Variants in GRM6 observed in about 807,000 individuals in gnomAD.
GRM6 encodes metabotropic glutamate receptor 6.
GRM6 carries 73 observed loss-of-function variants against 78.4 expected under a neutral mutation model. That is an observed-to-expected ratio of 0.93 (90% CI 0.77 to 1.13). GRM6 has a LOEUF of 1.13. Among genes scored for constraint, GRM6 ranks in the 50% most tolerant of loss-of-function variants. The pLI, the probability that GRM6 is intolerant of heterozygous loss-of-function variation, is 0.00. For synonymous variants in GRM6, 580 were observed against 555.0 expected (o/e 1.05, Z -0.63); for missense variants, 1,251 against 1,256.4 (o/e 1.00, Z 0.07).
At chr5:178,985,701 T>A (rs1251924741) in intron 9 of GRM6, 31 of 349,388 alleles carry the variant, frequency 8.9e-5, no homozygotes, top group Middle Eastern at 5.1e-4. Flanking sequence ...AGACTCTGTC[T>A]AAAAAAAAAA....
chr5:178,995,061 CTCGGG>C, intron 1 of GRM6, 101 bp from the exon 2 acceptor site: 3 of 603,044 alleles, frequency 5.0e-6, no homozygotes, highest in South Asian at 7.6e-5. Flanking sequence ...GGAGAAGGCG[CTCGGG>C]GCGCGCCTTC....
At chr5:178,989,213 C>T (rs1158474852) in intron 6 of GRM6, 52 bp downstream of exon 6, 1 of 1,186,714 alleles carries the variant, frequency 8.4e-7, no homozygotes, top group African/African-American at 1.6e-5. Flanking sequence ...CCCTCCCCAC[C>T]CTCACCACCC....
chr5:178,985,802 C>T (rs1320868477), intron 9 of GRM6: 1 of 518,958 alleles, frequency 1.9e-6, no homozygotes, highest in Admixed American at 2.6e-5. Flanking sequence ...TACTCTGACA[C>T]CCAAGCTGGA....
Position 178,986,588 on chromosome 5 carries a change from C to A in GRM6, c.1666G>T (p.Glu556Ter). The A allele has an allele frequency of 6.2e-7, 1 of 1,606,030 alleles. No homozygotes were observed. Among genetic ancestry groups the A allele is most frequent in the Non-Finnish European group, 8.5e-7 (1 of 1,179,862 alleles). The change falls in exon 9 of 11, where the codon GAG becomes TAG. Residue 556 changes from glutamate to a stop codon, truncating the protein, a stop_gained. Transcript: ENST00000517717. LOFTEE classifies it high-confidence loss of function. ...YRFQVDEFTC[E>*]ACPGDMRPTP... ...GGCCTCATGTCCCCAGGACAGGCCTCGCATGTGAACTCGTCCACCTGGAAG... is the reference window on the plus strand; with the variant it reads ...GGCCTCATGTCCCCAGGACAGGCCTAGCATGTGAACTCGTCCACCTGGAAG...
At position 178,994,627 on chromosome 5, in the gene GRM6, C is replaced by T; in HGVS notation, c.318G>A (p.Leu106=). The T allele has an allele frequency of 3.4e-6, 5 of 1,452,894 alleles. No homozygotes were observed. The South Asian group carries it at 3.9e-5, about 11-fold the overall frequency. The allele number at this position is 1,452,894 out of a possible 1,614,324, so 90.0% of individuals were successfully genotyped here. A position where few individuals can be genotyped will look rare whatever the true frequency, so the allele number is the denominator to read the frequency against. ...CCTGCACGAAGCTCAGCGCCTGCTC[C>T]AGCGCGTAGGTGTCCCGCGAGCAGG... is the stretch of plus-strand genomic sequence containing the variant. ...LDTCSRDTYA[L]EQALSFVQAL... is the part of the protein sequence containing the mutation. The change falls in exon 2 of 11, where the codon CTG becomes CTA. Residue 106 remains leucine (L), a synonymous_variant. Coordinates refer to ENST00000517717, the MANE Select transcript of GRM6 (RefSeq NM_000843.4).
Position 178,981,363 on chromosome 5 carries a change from C to T in GRM6, c.*294G>A, listed in dbSNP as rs1581890394. On this transcript the variant is annotated 3_prime_UTR_variant, in exon 11 of 11. Coordinates refer to ENST00000517717, the MANE Select transcript of GRM6 (RefSeq NM_000843.4). The surrounding 1 kb of genome is among the most constrained non-coding windows in gnomAD (Gnocchi z 5.1). ...GGGCTTCATCATCCTCTTTGGACTT[C>T]GGATGAGAGAATAAGTTTAGTCCCT... The T allele has an allele frequency of 1.0e-5, 4 of 393,884 alleles. No individual in the cohort carries two copies. The highest frequency in any genetic ancestry group is 3.9e-5 in the Admixed American group (1 of 25,418). The allele number at this position is 393,884 out of a possible 1,614,324, so 24.4% of individuals were successfully genotyped here. A position where few individuals can be genotyped will look rare whatever the true frequency, so the allele number is the denominator to read the frequency against.
rs1300124598 is a variant in GRM6 at position 178,994,504 on chromosome 5, G to A, written c.441C>T (p.Ala147=). 4.2e-6 allele frequency: 6 copies of A among 1,432,210 alleles called. No individual in the cohort carries two copies. Among genetic ancestry groups the A allele is most frequent in the African/African-American group, 1.5e-5 (1 of 67,104 alleles). The allele number at this position is 1,432,210 out of a possible 1,614,324, so 88.7% of individuals were successfully genotyped here. ...CGGAGCTGGCCGAGGCGCCCACGAC[G>A]GCCACGACGCGCTCGGGGGGCGCGG... The part of the protein sequence containing the change: ...LRPAPPERVV[A]VVGASASSVS... Residue 147 remains alanine, a synonymous_variant, in exon 2 of 11, where the codon GCC becomes GCT. Transcript: ENST00000517717.
intron 9 of GRM6, chr5:178,985,674 G>C (rs750827252): frequency 2.2e-5 from 9 of 400,770 alleles, no homozygotes; most frequent in South Asian, 7.3e-5. Flanking sequence ...CTGCACTCCA[G>C]CCTGGGCGAC....
At chr5:178,985,122 G>A (rs994389717) in intron 9 of GRM6, 2 of 326,248 alleles carry the variant, frequency 6.1e-6, no homozygotes, top group East Asian at 1.1e-4. Flanking sequence ...GTTGGACCCT[G>A]TGCCTCTCAT....
At position 178,983,171 on chromosome 5, in the gene GRM6, A is replaced by C. The variant is rs1344972357; in HGVS notation, c.2175T>G (p.Ile725Met). ...CCACCGTCCGCTGTTCCTCATAGTC[A>C]ATCACGCTGTGTGGGGGCCGGGCCC... ...WLGARPPHSV[I>M]DYEEQRTVDP... The change falls in exon 10 of 11, where the codon ATT becomes ATG. Residue 725 changes from isoleucine (I) to methionine (M), a missense_variant. Coordinates refer to ENST00000517717, the MANE Select transcript of GRM6 (RefSeq NM_000843.4). The C allele has an allele frequency of 6.2e-7, 1 of 1,613,822 alleles. No individual in the cohort carries two copies.
Position 178,986,639 on chromosome 5 carries a change from G to A in GRM6, c.1615C>T (p.His539Tyr), listed in dbSNP as rs1380815515. ...CGGTACCCGTCACAGGCCTCGCAGTGCCAACAGCAGGGGACGCCCTTCACC... is the reference window on the plus strand; with the variant it reads ...CGGTACCCGTCACAGGCCTCGCAGTACCAACAGCAGGGGACGCCCTTCACC... ...KMVKGVPCCW[H>Y]CEACDGYRFQ... Residue 539 changes from histidine to tyrosine, a missense_variant, in exon 9 of 11, where the codon CAC becomes TAC. Physicochemically the swap from His to Tyr is moderately conservative, Grantham distance 83. Transcript: ENST00000517717. 1 of 1,602,700 alleles carries A rather than the reference G, an allele frequency of 6.2e-7. No individual in the cohort carries two copies. Among genetic ancestry groups the A allele is most frequent in the Non-Finnish European group, 8.5e-7 (1 of 1,179,902 alleles).
rs1460022016 is a variant in GRM6, at chr5:178,992,040, T to A, written c.548A>T (p.Asp183Val). The change falls in exon 3 of 11, where the codon GAC (aspartate) becomes GTC (valine). Residue 183 changes from aspartate (D) to valine (V), a missense_variant. Coordinates refer to ENST00000517717, the MANE Select transcript of GRM6 (RefSeq NM_000843.4). The surrounding 1 kb of genome is among the most constrained non-coding windows in gnomAD (Gnocchi z 4.9). ...GGAGAAGAAGTCATAGCGTGTGGAG[T>A]CGCTGAGCTCCGGGGCTGTGGAGGC... Reference protein sequence around the residue: ...SYASTAPELSDSTRYDFFSRV... With the variant: ...SYASTAPELSVSTRYDFFSRV... The A allele has an allele frequency of 3.1e-6, 5 of 1,612,116 alleles. No individual in the cohort carries two copies. Among genetic ancestry groups the A allele is most frequent in the Non-Finnish European group, 3.4e-6 (4 of 1,179,552 alleles).
rs1760389304 is a variant in GRM6 at position 178,981,207 on chromosome 5, T to C, written c.*450A>G. The C allele has an allele frequency of 5.2e-6, 1 of 192,516 alleles. No homozygotes were observed. Among genetic ancestry groups the C allele is most frequent in the Non-Finnish European group, 1.1e-5 (1 of 92,696 alleles). 11.9% of individuals were successfully genotyped at this position (192,516 alleles called of 1,614,324 possible). A position where few individuals can be genotyped will look rare whatever the true frequency, so the allele number is the denominator to read the frequency against. On this transcript the variant is annotated 3_prime_UTR_variant, in exon 11 of 11. Transcript: ENST00000517717. The surrounding 1 kb of genome is among the most constrained non-coding windows in gnomAD (Gnocchi z 5.1). Reference sequence around the variant, plus strand: ...TGCACAGCCCCAGGTCTCCTCTTGCTGAGACAGCTCCTCCTCCACTCCAAC... The same window carrying C: ...TGCACAGCCCCAGGTCTCCTCTTGCCGAGACAGCTCCTCCTCCACTCCAAC...
At position 178,986,254 on chromosome 5, in the gene GRM6, G is replaced by A. The variant is rs867185590; in HGVS notation, c.2000C>T (p.Ala667Val). 1.2e-6 allele frequency: 2 copies of A among 1,614,180 alleles called. No individual in the cohort carries two copies. Among genetic ancestry groups the A allele is most frequent in the South Asian group, 2.2e-5 (2 of 91,080 alleles). The change falls in exon 9 of 11, where the codon GCC becomes GTC. Residue 667 changes from alanine (A) to valine (V), a missense_variant. Ala to Val is a moderately conservative substitution (Grantham distance 64). Transcript: ENST00000517717. ...LGLGTTLSYS[A>V]LLTKTNRIYR... is the part of the protein sequence containing the mutation. ...GATACGGTTGGTCTTGGTGAGCAGGGCAGAGTAGCTGAGGGTCGTGCCCAG... is the reference window on the plus strand; with the variant it reads ...GATACGGTTGGTCTTGGTGAGCAGGACAGAGTAGCTGAGGGTCGTGCCCAG...
chr5:178,979,264 A>G lies in GRM6; in HGVS notation c.*2393T>C, dbSNP rs1475813341. On this transcript the variant is annotated 3_prime_UTR_variant, in exon 11 of 11. Transcript: ENST00000517717. ...GAAAAAATAAAATAATAACATAAAG[A>G]AATGATCACAGGCAGAAACTGTATG... is the stretch of plus-strand genomic sequence containing the variant. 1 of 152,230 alleles carries G rather than the reference A, an allele frequency of 6.6e-6. No individual in the cohort carries two copies. Among genetic ancestry groups the G allele is most frequent in the Non-Finnish European group, 1.5e-5 (1 of 68,054 alleles). 9.4% of individuals were successfully genotyped at this position (152,230 alleles called of 1,614,324 possible).
chr5:178,985,526 G>C (rs112943811), intron 9 of GRM6: 102 of 338,324 alleles, frequency 3.0e-4, no homozygotes, highest in Non-Finnish European at 4.2e-4. Context: ...ACACGGTGAA[G>C]CCCTGTCTCT....
At position 178,992,068 on chromosome 5, in the gene GRM6, A is replaced by C. The variant is rs1332415888; in HGVS notation, c.520T>G (p.Tyr174Asp). 1.2e-6 allele frequency: 2 copies of C among 1,613,304 alleles called. No individual in the cohort carries two copies. The highest frequency in any genetic ancestry group is 4.5e-5 in the East Asian group (2 of 44,882). The change falls in exon 3 of 11, where the codon TAT (tyrosine) becomes GAT (aspartate). Residue 174 changes from tyrosine to aspartate, a missense_variant. By Grantham distance (160) the Tyr-to-Asp change is radical. Coordinates refer to ENST00000517717, the MANE Select transcript of GRM6 (RefSeq NM_000843.4). The surrounding 1 kb of genome is among the most constrained non-coding windows in gnomAD (Gnocchi z 4.9). ...LRLFAIPQIS[Y>D]ASTAPELSDS... Reference sequence around the variant, plus strand: ...CTGAGCTCCGGGGCTGTGGAGGCATAGCTGATCTGGGGTATCTGTGGGGCA... The same window carrying C: ...CTGAGCTCCGGGGCTGTGGAGGCATCGCTGATCTGGGGTATCTGTGGGGCA...
rs756816209 is a variant in GRM6, at chr5:178,994,713, G to A, written c.232C>T (p.Arg78Cys). Reference sequence around the variant, plus strand: ...AGCAGCTCGGGGTCGGCGTTGACGCGGTCCAGCGCGTACAGCATGGCCTCC... The same window carrying A: ...AGCAGCTCGGGGTCGGCGTTGACGCAGTCCAGCGCGTACAGCATGGCCTCC... Reference protein sequence around the residue: ...RLEAMLYALDRVNADPELLPG... With the variant: ...RLEAMLYALDCVNADPELLPG... The change falls in exon 2 of 11, where the codon CGC becomes TGC. Residue 78 changes from arginine (R) to cysteine (C), a missense_variant. By Grantham distance (180) the Arg-to-Cys change is radical. Transcript: ENST00000517717. The A allele has an allele frequency of 4.1e-6, 6 of 1,466,446 alleles. No individual in the cohort carries two copies. The South Asian group carries it at 6.3e-5, about 16-fold the overall frequency. The allele number at this position is 1,466,446 out of a possible 1,614,324, so 90.8% of individuals were successfully genotyped here.
In GRM6 at chr5:178,991,363, G is replaced by C. The variant is rs1019164388; in HGVS notation, c.857+61C>G. 2.7e-6 allele frequency: 4 copies of C among 1,504,180 alleles called. No individual in the cohort carries two copies. In the African/African-American group the frequency reaches 5.5e-5, roughly 21 times the overall value. The allele number at this position is 1,504,180 out of a possible 1,614,324, so 93.2% of individuals were successfully genotyped here. On this transcript the variant is annotated intron_variant, in intron 4 of 10. Coordinates refer to ENST00000517717, the MANE Select transcript of GRM6 (RefSeq NM_000843.4). The surrounding 1 kb of genome is among the most constrained non-coding windows in gnomAD (Gnocchi z 5.0). ...GAGTGTGTAAGGTGGCGATGTGCAA[G>C]AGGAGGGGTGGGACCCTCAGGGAGA... is the stretch of plus-strand genomic sequence containing the variant.
Sources: allele counts gnomAD v4.1 joint callset, GRCh38; gene constraint gnomAD v4.1.1; non-coding constraint Gnocchi (gnomAD v3.1); transcripts MANE v1.5; gene names NCBI Gene and HGNC (gene_info 2026-07-23, HGNC 2026-07-21).